SEMA6D: variants seen among roughly 807,000 people sequenced by gnomAD.
SEMA6D encodes the protein semaphorin-6D.
In SEMA6D, 35 loss-of-function variants were observed where a neutral mutation model predicts 106.6. That is an observed-to-expected ratio of 0.33 (90% CI 0.25 to 0.44). The LOEUF (loss-of-function observed/expected upper bound fraction) is 0.44, where lower values mean the gene tolerates loss of function less well. SEMA6D is among the 20% of genes least tolerant of loss of function. The pLI is 1.00. For missense variants in SEMA6D, 1,185 were observed against 1,345.9 expected (o/e 0.88, Z 1.87); for synonymous variants, 499 against 487.7 (o/e 1.02, Z -0.31).
chr15:47,440,307 C>A (rs942589918), intron 2 of SEMA6D, among the ~76,000 whole-genome samples: 3 of 57,168 alleles, frequency 5.2e-5, no homozygotes, highest in East Asian at 2.8e-3. Context: ...ATCAGTAAAG[C>A]CAAACAAAAT....
chr15:47,435,273 A>C (rs1054478235), intron 2 of SEMA6D, among the ~76,000 whole-genome samples: 2 of 152,110 alleles, frequency 1.3e-5, no homozygotes, highest in South Asian at 2.1e-4. Flanking sequence ...CTATTGTAAA[A>C]GCAGCCTGGT....
rs2082601826 is a variant in SEMA6D, at chr15:47,771,044, C to T, written c.2481C>T (p.Ala827=). 1.2e-6 allele frequency: 2 copies of T among 1,614,048 alleles called. No homozygotes were observed. The highest frequency in any genetic ancestry group is 1.1e-5 in the South Asian group (1 of 91,086). ...TAAGTCATGGGCATATCCCCAGTGC[C>T]ATTGTTCTTCCAAATGCTACCCATG... ...SPLSHGHIPS[A]IVLPNATHDY... is the part of the protein sequence containing the mutation. Residue 827 remains alanine, a synonymous_variant, in exon 19 of 19, where the codon GCC becomes GCT. Transcript: ENST00000536845.
chr15:47,762,891 C>A, intron 8 of SEMA6D, 125 bp from the exon 9 acceptor site: 2 of 670,380 alleles, frequency 3.0e-6, no homozygotes, highest in Non-Finnish European at 4.9e-6. Context: ...AAGTCATTGG[C>A]AGATTGGAGT....
chr15:47,758,047 A>T (rs2081855796), intron 1 of SEMA6D, among the ~76,000 whole-genome samples: 1 of 152,206 alleles, frequency 6.6e-6, no homozygotes, highest in Non-Finnish European at 1.5e-5. Context: ...ATACTCTTTT[A>T]ACTTTAGTAC....
intron 7 of SEMA6D, 141 bp downstream of exon 7, chr15:47,761,892 T>C: frequency 1.3e-6 from 1 of 761,372 alleles, no homozygotes; most frequent in Non-Finnish European, 2.1e-6. Context: ...TGCACAAATT[T>C]CCAAAAAAAG....
chr15:47,450,708 G>C (rs1156799030), intron 2 of SEMA6D, among the ~76,000 whole-genome samples: 1 of 152,026 alleles, frequency 6.6e-6, no homozygotes, highest in Non-Finnish European at 1.5e-5. Flanking sequence ...GGTGGGAATA[G>C]GACAAGGGAT....
intron 1 of SEMA6D, among the ~76,000 whole-genome samples, chr15:47,402,747 C>CT (rs11344225): frequency 0.027 from 3,221 of 121,472 alleles, 56 homozygotes; most frequent in South Asian, 0.041. Context: ...GTGAGCCAGA[C>CT]TTTTTTTTTT....
At chr15:47,452,551 C>G (rs1259153216) in intron 2 of SEMA6D, among the ~76,000 whole-genome samples, 1 of 151,652 alleles carries the variant, frequency 6.6e-6, no homozygotes, top group Non-Finnish European at 1.5e-5. Flanking sequence ...ATAATAAAAC[C>G]TTTCTTTTAT....
intron 3 of SEMA6D, among the ~76,000 whole-genome samples, chr15:47,496,041 C>G (rs1268673187): frequency 6.6e-6 from 1 of 152,074 alleles, no homozygotes; most frequent in Non-Finnish European, 1.5e-5. Flanking sequence ...ACAATATTCA[C>G]TAGAAATAGA....
chr15:47,493,736 G>A (rs910287886), intron 3 of SEMA6D, among the ~76,000 whole-genome samples: 21 of 152,066 alleles, frequency 1.4e-4, no homozygotes, highest in Non-Finnish European at 2.8e-4. Flanking sequence ...ATAGAGGTGA[G>A]GAAACTGAAG....
chr15:47,698,510 A>G (rs1246619150), intron 4 of SEMA6D, among the ~76,000 whole-genome samples: 5 of 152,228 alleles, frequency 3.3e-5, no homozygotes. Context: ...GAGGGAAATG[A>G]AAAATGTGTT....
chr15:47,660,257 G>C, intron 4 of SEMA6D, among the ~76,000 whole-genome samples: 1 of 151,952 alleles, frequency 6.6e-6, no homozygotes, highest in East Asian at 1.9e-4. Context: ...TTCTTGGAAG[G>C]GACCGTAAGA....
chr15:47,578,932 C>A (rs1218025424), intron 3 of SEMA6D, among the ~76,000 whole-genome samples: 2 of 152,080 alleles, frequency 1.3e-5, no homozygotes, highest in African/African-American at 4.8e-5. Context: ...CAGAAAAATA[C>A]ACACCACCTA....
chr15:47,330,936 A>T (rs937137166), intron 1 of SEMA6D, among the ~76,000 whole-genome samples: 3 of 152,202 alleles, frequency 2.0e-5, no homozygotes, highest in Admixed American at 6.5e-5. Flanking sequence ...ATATGAAAGG[A>T]TGAGACACTA....
intron 1 of SEMA6D, among the ~76,000 whole-genome samples, chr15:47,754,649 G>C (rs962794024): frequency 2.6e-5 from 4 of 152,096 alleles, no homozygotes; most frequent in Middle Eastern, 3.2e-3. Flanking sequence ...AGAATTTCTT[G>C]AATGTGTGGC....
At chr15:47,602,160 A>G (rs1203222517) in intron 4 of SEMA6D, among the ~76,000 whole-genome samples, 1 of 152,198 alleles carries the variant, frequency 6.6e-6, no homozygotes, top group East Asian at 1.9e-4. Flanking sequence ...AGTTTCTTCC[A>G]TAATTCTTAC....
intron 18 of SEMA6D, 114 bp downstream of exon 18, chr15:47,768,862 C>A: frequency 1.1e-6 from 1 of 872,768 alleles, no homozygotes; most frequent in Non-Finnish European, 1.7e-6. Flanking sequence ...TGCGGTTGTA[C>A]CTCCACCGCC....
At chr15:47,745,250 T>C (rs539124355) in intron 1 of SEMA6D, among the ~76,000 whole-genome samples, 407 of 152,358 alleles carry the variant, frequency 2.7e-3, no homozygotes, top group African/African-American at 6.0e-3. Flanking sequence ...GTGCTTACCA[T>C]GTGCCAGGAT....
At chr15:47,390,937 G>A (rs1034881289) in intron 1 of SEMA6D, among the ~76,000 whole-genome samples, 1 of 152,120 alleles carries the variant, frequency 6.6e-6, no homozygotes, top group Admixed American at 6.6e-5. Flanking sequence ...AGAGTCAAGA[G>A]TTTGCAAAGG....
Sources: gnomAD v4.1 joint callset for allele counts (sites outside exome capture counted in the v4.1 genomes callset) on GRCh38, gnomAD v4.1.1 for gene constraint, MANE v1.5 for transcripts, NCBI Gene and HGNC (gene_info 2026-07-23, HGNC 2026-07-21) for gene names.